Variants in SFI1 observed in about 807,000 individuals in gnomAD.
SFI1 encodes protein SFI1 homolog.
In SFI1, 195 loss-of-function variants were observed where a neutral mutation model predicts 207.5. The ratio of observed to expected loss-of-function variants is 0.94; its 90% CI spans 0.84 to 1.06. SFI1 has a LOEUF of 1.06. Ranked by LOEUF, SFI1 falls within the 50% of genes least tolerant of loss-of-function variation. The pLI, the probability that SFI1 is intolerant of heterozygous loss-of-function variation, is 0.00. For missense variants in SFI1, 1,634 were observed against 1,588.0 expected (o/e 1.03, Z -0.49); for synonymous variants, 630 against 598.9 (o/e 1.05, Z -0.76).
chr22:31,577,757 A>G (rs1028034505), intron 10 of SFI1, among the ~76,000 whole-genome samples: 22 of 152,120 alleles, frequency 1.4e-4, no homozygotes, highest in Non-Finnish European at 2.9e-5. Context: ...GTGCAGTCAG[A>G]TTTGTGCTTT....
At chr22:31,604,979 G>A in intron 20 of SFI1, 34 bp downstream of exon 20, 1 of 1,551,336 alleles carries the variant, frequency 6.4e-7, no homozygotes, top group Middle Eastern at 1.8e-4. Context: ...AGCTCCAGCT[G>A]GGGAACAAGG....
At chr22:31,521,937 G>T (rs1333985563) in intron 2 of SFI1, among the ~76,000 whole-genome samples, 1 of 151,066 alleles carries the variant, frequency 6.6e-6, no homozygotes, top group African/African-American at 2.4e-5. Context: ...CTAACTTTTT[G>T]TATTTTTAGT....
chr22:31,616,715 G>C, intron 29 of SFI1, 30 bp from the exon 30 acceptor site: 6 of 1,512,246 alleles, frequency 4.0e-6, no homozygotes, highest in Non-Finnish European at 5.3e-6. Flanking sequence ...TAGCTTCCTT[G>C]CTCAGCATCT....
intron 3 of SFI1, among the ~76,000 whole-genome samples, chr22:31,530,411 A>G (rs950691428): frequency 2.1e-5 from 3 of 140,358 alleles, no homozygotes; most frequent in Non-Finnish European, 4.6e-5. Flanking sequence ...AATGGTGTGA[A>G]CCCAGGAGGC....
At chr22:31,544,215 C>T (rs1162111789) in intron 4 of SFI1, among the ~76,000 whole-genome samples, 1 of 152,032 alleles carries the variant, frequency 6.6e-6, no homozygotes, top group Non-Finnish European at 1.5e-5. Context: ...TCAGCACCAT[C>T]TGTCACTGCT....
intron 6 of SFI1, chr22:31,550,590 G>T (rs1396417241): frequency 2.4e-6 from 1 of 411,826 alleles, no homozygotes; most frequent in East Asian, 4.6e-5. Context: ...CAGAATTTGT[G>T]TGAACTGGCT....
At chr22:31,519,219 A>G (rs1004326674) in intron 2 of SFI1, among the ~76,000 whole-genome samples, 1 of 152,070 alleles carries the variant, frequency 6.6e-6, no homozygotes, top group African/African-American at 2.4e-5. Flanking sequence ...TTATAAAGGA[A>G]TTAAGACTGA....
At chr22:31,608,508 A>G (rs1401094675) in intron 22 of SFI1, among the ~76,000 whole-genome samples, 1 of 152,120 alleles carries the variant, frequency 6.6e-6, no homozygotes, top group Non-Finnish European at 1.5e-5. Context: ...TCACATTGTG[A>G]GGTTCCAGGA....
At chr22:31,573,328 G>A in intron 9 of SFI1, 114 bp downstream of exon 9, 1 of 1,129,302 alleles carries the variant, frequency 8.9e-7, no homozygotes. Flanking sequence ...CAGAAATTTT[G>A]GTAAAAGGAG....
chr22:31,507,895 T>A (rs1312475958), intron 1 of SFI1, among the ~76,000 whole-genome samples: 6 of 151,894 alleles, frequency 4.0e-5, no homozygotes, highest in Non-Finnish European at 1.5e-5. Context: ...GCCAACATGG[T>A]GGAATCTTGT....
intron 31 of SFI1, 74 bp from the exon 32 acceptor site, chr22:31,618,041 G>A: frequency 1.4e-6 from 2 of 1,476,012 alleles, no homozygotes; most frequent in Non-Finnish European, 1.8e-6. Context: ...ATTAGCTGAG[G>A]TGCCTCTCCC....
At chr22:31,534,923 G>A (rs1161632791) in intron 4 of SFI1, among the ~76,000 whole-genome samples, 1 of 151,174 alleles carries the variant, frequency 6.6e-6, no homozygotes, top group African/African-American at 2.4e-5. Context: ...GCCCAGGCTG[G>A]AGTGCAGTGC....
At chr22:31,591,776 C>T (rs1357178442) in intron 15 of SFI1, among the ~76,000 whole-genome samples, 1 of 61,902 alleles carries the variant, frequency 1.6e-5, no homozygotes, top group Admixed American at 1.5e-4. Flanking sequence ...GGCGGGGGGG[C>T]TGACCCCCCC....
At chr22:31,501,471 A>C (rs2053767967) in intron 1 of SFI1, among the ~76,000 whole-genome samples, 1 of 152,102 alleles carries the variant, frequency 6.6e-6, no homozygotes, top group African/African-American at 2.4e-5. Flanking sequence ...TGCCCAGCTG[A>C]CATAACTTTT....
At chr22:31,579,567 G>A (rs9621288) in intron 11 of SFI1, among the ~76,000 whole-genome samples, 9 of 152,102 alleles carry the variant, frequency 5.9e-5, no homozygotes, top group African/African-American at 2.2e-4. Flanking sequence ...CGCCCGCCTC[G>A]GCCTCCCAAA....
intron 8 of SFI1, among the ~76,000 whole-genome samples, chr22:31,571,500 A>G (rs1466833962): frequency 6.6e-6 from 1 of 150,696 alleles, no homozygotes; most frequent in Non-Finnish European, 1.5e-5. Flanking sequence ...TTTTTGGTAG[A>G]GACAGAGTTT....
At chr22:31,614,394 T>C in intron 27 of SFI1, 1 of 389,402 alleles carries the variant, frequency 2.6e-6, no homozygotes, top group South Asian at 2.0e-5. Context: ...CCCGAGAGCC[T>C]TGGGCCTCGG....
At chr22:31,511,500 G>A (rs911246904) in intron 2 of SFI1, among the ~76,000 whole-genome samples, 3 of 119,824 alleles carry the variant, frequency 2.5e-5, no homozygotes, top group African/African-American at 9.3e-5. Flanking sequence ...ATGGAGTTCT[G>A]CTCTGTCGCT....
At chr22:31,532,056 A>G (rs1338275720) in intron 4 of SFI1, among the ~76,000 whole-genome samples, 1 of 151,870 alleles carries the variant, frequency 6.6e-6, no homozygotes, top group Non-Finnish European at 1.5e-5. Flanking sequence ...GTGAAACTCC[A>G]TCTCAAAAAA....
Sources: gnomAD v4.1 joint callset for allele counts (sites outside exome capture counted in the v4.1 genomes callset) on GRCh38, gnomAD v4.1.1 for gene constraint, MANE v1.5 for transcripts, NCBI Gene and HGNC (gene_info 2026-07-23, HGNC 2026-07-21) for gene names.